The following FAF1 variants were observed in gnomAD, a reference collection of about 807,000 sequenced individuals.
FAF1 encodes the protein Fas associated factor 1, also known as FAS-associated factor 1.
FAF1 carries 25 observed loss-of-function variants against 92.5 expected under a neutral mutation model. That is an observed-to-expected ratio of 0.27 (90% CI 0.20 to 0.38). The LOEUF (loss-of-function observed/expected upper bound fraction) is 0.38. FAF1 is among the 10% of genes least tolerant of loss of function. The pLI is 1.00. For synonymous variants in FAF1, 234 were observed against 273.2 expected (o/e 0.86, Z 1.42); for missense variants, 636 against 793.3 (o/e 0.80, Z 2.38).
chr1:50,653,186 C>T (rs955653551), intron 8 of FAF1, among the ~76,000 whole-genome samples: 14 of 151,208 alleles, frequency 9.3e-5, no homozygotes, highest in Non-Finnish European at 2.1e-4. Context: ...AAAAAAAAAA[C>T]CACAAGAAAA....
intron 2 of FAF1, among the ~76,000 whole-genome samples, chr1:50,831,886 T>C (rs1199093905): frequency 3.3e-5 from 5 of 149,784 alleles, no homozygotes. Flanking sequence ...CCATCACTCA[T>C]ATTACCACCT....
chr1:50,764,338 G>A (rs1056755485), intron 4 of FAF1, among the ~76,000 whole-genome samples: 5 of 152,122 alleles, frequency 3.3e-5, no homozygotes, highest in Admixed American at 6.6e-5. Flanking sequence ...GTATAAGGTC[G>A]AGGAATTGTT....
chr1:50,695,945 G>C (rs1377398570), intron 7 of FAF1, among the ~76,000 whole-genome samples: 1 of 144,818 alleles, frequency 6.9e-6, no homozygotes, highest in Non-Finnish European at 1.5e-5. Context: ...CACCGTGCTT[G>C]GCCTTTTTTT....
At position 50,910,265 on chromosome 1, in the gene FAF1, C is replaced by G. The variant is rs560829765; in HGVS notation, c.45+49502G>C. Among the ~76,000 whole-genome samples, 4 of 152,170 alleles carry G rather than the reference C, an allele frequency of 2.6e-5. No individual in the cohort carries two copies. In the South Asian group the frequency reaches 8.3e-4, roughly 32 times the overall value. On this transcript the variant is annotated intron_variant, in intron 1 of 18. Transcript: ENST00000396153. ...GGAAGCTTTGTCTCAGAGGGGCACC[C>G]GGCTGAATGAGGTGTCAGTCAGCCC...
At chr1:50,682,689 TTTGAAAGTAAC>T (rs1656476633) in intron 7 of FAF1, among the ~76,000 whole-genome samples, 1 of 152,190 alleles carries the variant, frequency 6.6e-6, no homozygotes. Context: ...TCTCAGCCAT[TTTGAAAGTAAC>T]TTCAGGTACT....
intron 2 of FAF1, among the ~76,000 whole-genome samples, chr1:50,810,813 C>A (rs1156798760): frequency 6.6e-6 from 1 of 152,178 alleles, no homozygotes; most frequent in African/African-American, 2.4e-5. Context: ...CTCTGGGAGG[C>A]CGAGATGGGT....
In FAF1 at chr1:50,473,139, T is replaced by C. The variant is rs182288310; in HGVS notation, c.1869+2325A>G. On this transcript the variant is annotated intron_variant, in intron 18 of 18. Transcript: ENST00000396153. ...TATGCTGGCAACCACAGGGAGATAG[T>C]AGCAGGCCCAAGAACACTCTACATT... Among the ~76,000 whole-genome samples the C allele has an allele frequency of 2.6e-5, 4 of 152,236 alleles. No individual in the cohort carries two copies. In the East Asian group the frequency reaches 5.8e-4, roughly 22 times the overall value.
At chr1:50,742,834 G>T (rs573603960) in intron 5 of FAF1, among the ~76,000 whole-genome samples, 93 of 152,290 alleles carry the variant, frequency 6.1e-4, no homozygotes, top group African/African-American at 2.1e-3. Context: ...CAGCAGCGGG[G>T]GATAGCAAAC....
At chr1:50,952,034 T>C (rs1349156318) in intron 1 of FAF1, among the ~76,000 whole-genome samples, 3 of 152,212 alleles carry the variant, frequency 2.0e-5, no homozygotes, top group African/African-American at 7.2e-5. Flanking sequence ...GAGGAGCTCA[T>C]ATGCAAAGTT....
At chr1:50,771,263 A>G (rs1228643401) in intron 4 of FAF1, among the ~76,000 whole-genome samples, 1 of 152,230 alleles carries the variant, frequency 6.6e-6, no homozygotes, top group Non-Finnish European at 1.5e-5. Flanking sequence ...AGACCCAATT[A>G]AACTAAAGAG....
chr1:50,680,742 G>A (rs965742398), intron 7 of FAF1, among the ~76,000 whole-genome samples: 9 of 151,672 alleles, frequency 5.9e-5, no homozygotes, highest in Admixed American at 5.9e-4. Flanking sequence ...TGAGTCAAAA[G>A]TGACCTAAGG....
intron 3 of FAF1, among the ~76,000 whole-genome samples, chr1:50,789,290 C>T (rs2124575206): frequency 6.6e-6 from 1 of 152,276 alleles, no homozygotes; most frequent in Non-Finnish European, 1.5e-5. Flanking sequence ...TGGCTCTACC[C>T]ACTTAATAGC....
chr1:50,648,443 T>C (rs1033119470), intron 8 of FAF1, among the ~76,000 whole-genome samples: 1 of 152,190 alleles, frequency 6.6e-6, no homozygotes, highest in Non-Finnish European at 1.5e-5. Flanking sequence ...GGTGTAATAT[T>C]CAATCATTCA....
intron 2 of FAF1, among the ~76,000 whole-genome samples, chr1:50,816,297 C>T (rs548503601): frequency 3.3e-5 from 5 of 150,976 alleles, no homozygotes; most frequent in Admixed American, 6.6e-5. Flanking sequence ...CTCCACCTCC[C>T]GTGTTCACGC....
At chr1:50,931,774 G>A (rs1308776597) in intron 1 of FAF1, among the ~76,000 whole-genome samples, 1 of 151,936 alleles carries the variant, frequency 6.6e-6, no homozygotes, top group African/African-American at 2.4e-5. Context: ...CTACTCAGGA[G>A]GCTGAAGCAG....
At chr1:50,640,829 ATTTTTTTTTTT>A (rs71059592) in intron 8 of FAF1, among the ~76,000 whole-genome samples, 1 of 88,504 alleles carries the variant, frequency 1.1e-5, no homozygotes, top group Admixed American at 1.7e-4. Flanking sequence ...TTATCAGCTG[ATTTTTTTTTTT>A]TTTTTTTTTT....
At chr1:50,937,614 T>C (rs994695887) in intron 1 of FAF1, among the ~76,000 whole-genome samples, 4 of 152,154 alleles carry the variant, frequency 2.6e-5, no homozygotes, top group Non-Finnish European at 4.4e-5. Flanking sequence ...AACCATCTGA[T>C]AGATAGTTGT....
chr1:50,624,512 T>G (rs1653401138), intron 8 of FAF1, among the ~76,000 whole-genome samples: 1 of 152,094 alleles, frequency 6.6e-6, no homozygotes, highest in Non-Finnish European at 1.5e-5. Context: ...TTTCCTTATT[T>G]GTAAACAAAA....
intron 7 of FAF1, among the ~76,000 whole-genome samples, chr1:50,690,016 G>A (rs1247179919): frequency 1.7e-5 from 2 of 116,852 alleles, no homozygotes; most frequent in Non-Finnish European, 3.4e-5. Flanking sequence ...TTTTTTTTGA[G>A]ATGGAGTCTT....
Sources: gnomAD v4.1 joint callset for allele counts (sites outside exome capture counted in the v4.1 genomes callset) on GRCh38, gnomAD v4.1.1 for gene constraint, MANE v1.5 for transcripts, NCBI Gene and HGNC (gene_info 2026-07-23, HGNC 2026-07-21) for gene names.